MACROD2: variants seen among roughly 807,000 people sequenced by gnomAD.
MACROD2 encodes ADP-ribose glycohydrolase MACROD2.
A neutral mutation model predicts 70.4 loss-of-function variants in MACROD2; 36 were observed. The ratio of observed to expected loss-of-function variants is 0.51; its 90% CI spans 0.39 to 0.68. MACROD2 has a LOEUF of 0.68. Ranked by LOEUF, MACROD2 falls within the 30% of genes least tolerant of loss-of-function variation. MACROD2 has a pLI of 0.00. For synonymous variants in MACROD2, 172 were observed against 178.8 expected, an observed-to-expected ratio of 0.96 and a Z score of 0.30; for missense variants, 496 against 538.4, an observed-to-expected ratio of 0.92 and a Z score of 0.78.
intron 8 of MACROD2, among the ~76,000 whole-genome samples, chr20:15,782,740 G>A (rs1004845718): frequency 1.5e-3 from 114 of 77,150 alleles, no homozygotes; most frequent in Middle Eastern, 9.1e-3. Flanking sequence ...AAAAAAAAAA[G>A]TTGTTGGTGA....
At chr20:14,977,934 A>T (rs1420284346) in intron 5 of MACROD2, among the ~76,000 whole-genome samples, 2 of 152,170 alleles carry the variant, frequency 1.3e-5, no homozygotes, top group African/African-American at 4.8e-5. Flanking sequence ...AACAAACACC[A>T]TTCAAAAATC....
chr20:15,447,524 G>T (rs73272913), intron 7 of MACROD2, among the ~76,000 whole-genome samples: 360 of 152,192 alleles, frequency 2.4e-3, no homozygotes, highest in African/African-American at 8.3e-3. Context: ...TTCCTACCAG[G>T]CTCTCCAGCC....
intron 5 of MACROD2, among the ~76,000 whole-genome samples, chr20:14,924,427 A>C (rs1325431652): frequency 6.6e-6 from 1 of 152,098 alleles, no homozygotes; most frequent in Non-Finnish European, 1.5e-5. Flanking sequence ...TGACAGAGCA[A>C]TACTCTGCCT....
chr20:15,757,651 A>T (rs1318626644), intron 8 of MACROD2, among the ~76,000 whole-genome samples: 2 of 152,152 alleles, frequency 1.3e-5, no homozygotes, highest in Non-Finnish European at 2.9e-5. Context: ...TTTATTTCTC[A>T]TACTTCTAGA....
At chr20:15,986,390 A>C (rs2066483927) in intron 13 of MACROD2, among the ~76,000 whole-genome samples, 1 of 152,186 alleles carries the variant, frequency 6.6e-6, no homozygotes, top group African/African-American at 2.4e-5. Context: ...AAGGAAATTA[A>C]ATGTAGTTAA....
At chr20:15,519,672 G>T (rs1324029432) in intron 8 of MACROD2, among the ~76,000 whole-genome samples, 5 of 152,168 alleles carry the variant, frequency 3.3e-5, no homozygotes, top group Non-Finnish European at 7.3e-5. Flanking sequence ...AAAAGAGATG[G>T]AGTCTTACTC....
chr20:15,855,795 T>G (rs1013229355), intron 8 of MACROD2, among the ~76,000 whole-genome samples: 3 of 152,224 alleles, frequency 2.0e-5, no homozygotes, highest in African/African-American at 4.8e-5. Flanking sequence ...CCTCTTTTTT[T>G]TCTGGGTTCT....
intron 3 of MACROD2, among the ~76,000 whole-genome samples, chr20:14,098,205 T>G (rs776139008): frequency 1.3e-4 from 20 of 152,200 alleles, no homozygotes; most frequent in Non-Finnish European, 2.6e-4. Context: ...ATTATGGGTG[T>G]TTTTCAAGTC....
At chr20:14,282,791 A>G (rs922908555) in intron 3 of MACROD2, among the ~76,000 whole-genome samples, 1 of 152,132 alleles carries the variant, frequency 6.6e-6, no homozygotes. Context: ...GTTGCTACAC[A>G]CTTTTAAATG....
chr20:15,508,346 G>A (rs2047454675), intron 8 of MACROD2, among the ~76,000 whole-genome samples: 1 of 152,072 alleles, frequency 6.6e-6, no homozygotes, highest in African/African-American at 2.4e-5. Flanking sequence ...GGCATGGAGG[G>A]TAATTCATAT....
intron 2 of MACROD2, among the ~76,000 whole-genome samples, chr20:14,082,835 T>G (rs892462966): frequency 6.6e-6 from 1 of 152,150 alleles, no homozygotes; most frequent in African/African-American, 2.4e-5. Flanking sequence ...CAAATGTTTA[T>G]TGTCATTTAA....
intron 8 of MACROD2, among the ~76,000 whole-genome samples, chr20:15,562,589 G>A (rs16995996): frequency 0.075 from 11,437 of 152,148 alleles, 589 homozygotes; most frequent in African/African-American, 0.16. Flanking sequence ...TTTACTTTCT[G>A]TACATAAAGG....
intron 3 of MACROD2, among the ~76,000 whole-genome samples, chr20:14,424,055 C>G (rs1187443992): frequency 6.6e-6 from 1 of 152,048 alleles, no homozygotes; most frequent in Non-Finnish European, 1.5e-5. Context: ...AGCCACCACG[C>G]CCGGCCTTAA....
intron 6 of MACROD2, among the ~76,000 whole-genome samples, chr20:15,291,470 A>T (rs2077540534): frequency 6.6e-6 from 1 of 152,230 alleles, no homozygotes; most frequent in African/African-American, 2.4e-5. Context: ...TAAATTGAAA[A>T]GAAGAAATAT....
chr20:14,215,526 C>CA (rs1255129242), intron 3 of MACROD2, among the ~76,000 whole-genome samples: 5 of 152,122 alleles, frequency 3.3e-5, no homozygotes, highest in African/African-American at 1.2e-4. Flanking sequence ...GGTACCCCCC[C>CA]AGTAATGGGA....
intron 6 of MACROD2, among the ~76,000 whole-genome samples, chr20:15,340,190 G>A (rs901241679): frequency 4.9e-4 from 61 of 123,998 alleles, no homozygotes; most frequent in African/African-American, 1.8e-3. Context: ...CCAGGCTGGA[G>A]TGCAGTGGCA....
intron 5 of MACROD2, among the ~76,000 whole-genome samples, chr20:14,696,457 G>A (rs1209194249): frequency 1.3e-5 from 2 of 152,076 alleles, no homozygotes; most frequent in Non-Finnish European, 1.5e-5. Flanking sequence ...CTTCTCATCC[G>A]CATATGTTGT....
At chr20:14,726,762 C>G (rs1460226106) in intron 5 of MACROD2, among the ~76,000 whole-genome samples, 2 of 144,490 alleles carry the variant, frequency 1.4e-5, no homozygotes, top group African/African-American at 5.8e-5. Flanking sequence ...CAGGCACCTG[C>G]CTCCAGCTCT....
chr20:14,633,114 C>G (rs1170884649), intron 4 of MACROD2, among the ~76,000 whole-genome samples: 2 of 152,212 alleles, frequency 1.3e-5, no homozygotes, highest in African/African-American at 2.4e-5. Context: ...CAGTAGTGGC[C>G]ACTCGCCTTC....
Sources: gnomAD v4.1 joint callset for allele counts (sites outside exome capture counted in the v4.1 genomes callset) on GRCh38, gnomAD v4.1.1 for gene constraint, MANE v1.5 for transcripts, NCBI Gene and HGNC (gene_info 2026-07-23, HGNC 2026-07-21) for gene names.